TRMT5: variants seen among roughly 807,000 people sequenced by gnomAD.
The protein encoded by TRMT5 is tRNA methyltransferase 5.
In TRMT5, 31 loss-of-function variants were observed where a neutral mutation model predicts 42.2. The observed-to-expected ratio is 0.73, with a 90% confidence interval of 0.55 to 0.99. The LOEUF (loss-of-function observed/expected upper bound fraction) is 0.99, where lower values mean the gene tolerates loss of function less well. Among genes scored for constraint, TRMT5 ranks in the 50% least tolerant of loss-of-function variants. The probability of loss-of-function intolerance (pLI) is 0.00; values close to 1 mark genes in which losing one functional copy is unlikely to be tolerated. For synonymous variants in TRMT5, 198 were observed against 209.6 expected, an observed-to-expected ratio of 0.94 and a Z score of 0.48; for missense variants, 568 against 595.0, an observed-to-expected ratio of 0.95 and a Z score of 0.47.
Position 60,979,430 on chromosome 14 carries a change from G to A in TRMT5, c.468C>T (p.Leu156=), listed in dbSNP as rs775431970. 1 of 1,614,112 alleles carries A rather than the reference G, an allele frequency of 6.2e-7. No homozygotes were observed. The highest frequency in any genetic ancestry group is 8.5e-7 in the Non-Finnish European group (1 of 1,180,006). Residue 156 remains leucine, a synonymous_variant, in exon 2 of 5, where the codon CTC becomes CTT. Coordinates refer to ENST00000261249, the MANE Select transcript of TRMT5 (RefSeq NM_020810.3). The part of the protein sequence containing the change: ...FTHDSFEKAE[L]SVLEQLNVSP... ...TGACATTAAGCTGCTCTAAAACACT[G>A]AGTTCTGCTTTCTCAAAGGAATCAT...
In TRMT5 at chr14:60,975,431, A is replaced by G; in HGVS notation, c.1444+44T>C. The G allele has an allele frequency of 1.9e-6, 3 of 1,579,452 alleles. 1 individual carries two copies. In the South Asian group the frequency reaches 3.5e-5, roughly 19 times the overall value. ...GTAAAACTGGGAGGAATTAGTTACA[A>G]TTGAATGGCAAGGTTTACATTTAAT... On this transcript the variant is annotated intron_variant, in intron 4 of 4. Coordinates refer to ENST00000261249, the MANE Select transcript of TRMT5 (RefSeq NM_020810.3).
Position 60,979,608 on chromosome 14 carries a change from G to A in TRMT5, c.290C>T (p.Pro97Leu), listed in dbSNP as rs752192749. 6.2e-7 allele frequency: 1 copy of A among 1,614,118 alleles called. No homozygotes were observed. The highest frequency in any genetic ancestry group is 1.1e-5 in the South Asian group (1 of 91,072). ...TATTTCTTTCCTCACTTTAAGCACT[G>A]GAATGTTGACTGTCTTTTTAAAAGC... is the stretch of plus-strand genomic sequence containing the variant. ...RTAFKKTVNI[P>L]VLKVRKEIVS... The change falls in exon 2 of 5, where the codon CCA (proline) becomes CTA (leucine). Residue 97 changes from proline (P) to leucine (L), a missense_variant. Physicochemically the swap from Pro to Leu is moderately conservative, Grantham distance 98. Coordinates refer to ENST00000261249, the MANE Select transcript of TRMT5 (RefSeq NM_020810.3).
rs904162544 is a variant in TRMT5, at chr14:60,974,844, C to T, written c.*265G>A. The T allele has an allele frequency of 1.0e-5, 2 of 197,718 alleles. No individual in the cohort carries two copies. The highest frequency in any genetic ancestry group is 2.3e-5 in the African/African-American group (1 of 42,684). 12.2% of individuals were successfully genotyped at this position (197,718 alleles called of 1,614,324 possible). On this transcript the variant is annotated 3_prime_UTR_variant, in exon 5 of 5. Coordinates refer to ENST00000261249, the MANE Select transcript of TRMT5 (RefSeq NM_020810.3). Reference sequence around the variant, plus strand: ...ACCCTACTTTCAAAAATTATTTTCCCTGAGAGAAAATATTTATTCATATTT... The same window carrying T: ...ACCCTACTTTCAAAAATTATTTTCCTTGAGAGAAAATATTTATTCATATTT...
At chr14:60,980,644 G>C (rs138998661) in intron 1 of TRMT5, among the ~76,000 whole-genome samples, 18 of 152,286 alleles carry the variant, frequency 1.2e-4, no homozygotes, top group Admixed American at 3.3e-4. Context: ...TTACTTGTAA[G>C]GGGAAAGGGC....
chr14:60,980,516 CT>C (rs964302164), intron 1 of TRMT5, among the ~76,000 whole-genome samples: 9 of 152,208 alleles, frequency 5.9e-5, no homozygotes, highest in African/African-American at 2.2e-4. Flanking sequence ...GTTTTCGATG[CT>C]TTACTGCCAC....
At chr14:60,981,503 C>G, upstream of TRMT5, 3 of 1,535,312 alleles carry the variant, frequency 2.0e-6, no homozygotes, top group South Asian at 3.6e-5. Flanking sequence ...AGCCTGAACC[C>G]TGGGGGATGG....
At position 60,975,075 on chromosome 14, in the gene TRMT5, A is replaced by C. The variant is rs775065939; in HGVS notation, c.*34T>G. 1 of 1,517,792 alleles carries C rather than the reference A, an allele frequency of 6.6e-7. No homozygotes were observed. Among genetic ancestry groups the C allele is most frequent in the Non-Finnish European group, 9.0e-7 (1 of 1,108,548 alleles). The allele number at this position is 1,517,792 out of a possible 1,614,324, so 94.0% of individuals were successfully genotyped here. ...ATACAAATTCTATTTCACTACATGT[A>C]AGTCTGGTAGGGAGATGGAGAAAAC... On this transcript the variant is annotated 3_prime_UTR_variant, in exon 5 of 5. Transcript: ENST00000261249.
chr14:60,978,426 A>G (rs987767024), intron 2 of TRMT5, among the ~76,000 whole-genome samples: 5 of 152,178 alleles, frequency 3.3e-5, no homozygotes, highest in Non-Finnish European at 4.4e-5. Context: ...CGAATTAATC[A>G]TTGTTCTTAC....
chr14:60,971,944 A>G lies in TRMT5; in HGVS notation c.*3165T>C, dbSNP rs2036780016. ...AAAAACGAATTTGTTTTTCCATACC[A>G]CAAGGCTTTTGTGCCAAGGTGGCCA... is the stretch of plus-strand genomic sequence containing the variant. On this transcript the variant is annotated 3_prime_UTR_variant, in exon 5 of 5. Coordinates refer to ENST00000261249, the MANE Select transcript of TRMT5 (RefSeq NM_020810.3). 1 of 248,596 alleles carries G rather than the reference A, an allele frequency of 4.0e-6. No homozygotes were observed. The highest frequency in any genetic ancestry group is 5.1e-5 in the Admixed American group (1 of 19,598). The allele number at this position is 248,596 out of a possible 1,614,324, so 15.4% of individuals were successfully genotyped here.
At chr14:60,979,003 ATTG>A (rs927528912) in intron 2 of TRMT5, among the ~76,000 whole-genome samples, 3 of 152,184 alleles carry the variant, frequency 2.0e-5, no homozygotes, top group African/African-American at 4.8e-5. Context: ...ACACTGATGT[ATTG>A]TTGTACACAA....
chr14:60,971,925 G>C lies in TRMT5; in HGVS notation c.*3184C>G. The C allele has an allele frequency of 8.8e-6, 2 of 227,108 alleles. No individual in the cohort carries two copies. Among genetic ancestry groups the C allele is most frequent in the Admixed American group, 1.0e-4 (2 of 19,048 alleles). The allele number at this position is 227,108 out of a possible 1,614,324, so 14.1% of individuals were successfully genotyped here. A position where few individuals can be genotyped will look rare whatever the true frequency, so the allele number is the denominator to read the frequency against. ...GAAAGGGAAAAGAAGACATAAAAAC[G>C]AATTTGTTTTTCCATACCACAAGGC... On this transcript the variant is annotated 3_prime_UTR_variant, in exon 5 of 5. Coordinates refer to ENST00000261249, the MANE Select transcript of TRMT5 (RefSeq NM_020810.3).
Position 60,979,578 on chromosome 14 carries a change from C to T in TRMT5, c.320G>A (p.Ser107Asn). The T allele has an allele frequency of 6.2e-7, 1 of 1,614,160 alleles. No homozygotes were observed. Among genetic ancestry groups the T allele is most frequent in the South Asian group, 1.1e-5 (1 of 91,072 alleles). Residue 107 changes from serine (S) to asparagine (N), a missense_variant, in exon 2 of 5, where the codon AGT becomes AAT. Coordinates refer to ENST00000261249, the MANE Select transcript of TRMT5 (RefSeq NM_020810.3). ...CCTTTTTAGGGATCGCATCAATTTA[C>T]TGACTATTTCTTTCCTCACTTTAAG... The part of the protein sequence containing the change: ...PVLKVRKEIV[S>N]KLMRSLKRAA...
chr14:60,981,150 G>T (rs546074528), upstream of TRMT5: 3 of 1,543,264 alleles, frequency 1.9e-6, no homozygotes, highest in African/African-American at 4.1e-5. Context: ...TCTCCTTCCA[G>T]GCCCTGGTGA....
rs1566590394 is a variant in TRMT5 at position 60,977,645 on chromosome 14, G to A, written c.668-7C>T. On this transcript the variant is annotated splice_polypyrimidine_tract_variant and splice_region_variant and intron_variant, in intron 2 of 4. Transcript: ENST00000261249. ...TTGTCAATCATAACCTGGCCTAAAAGAAAAAATGAAAATCCATAATACTGC... is the reference window on the plus strand; with the variant it reads ...TTGTCAATCATAACCTGGCCTAAAAAAAAAAATGAAAATCCATAATACTGC... 4 of 1,582,552 alleles carry A rather than the reference G, an allele frequency of 2.5e-6. No individual in the cohort carries two copies. Among genetic ancestry groups the A allele is most frequent in the Admixed American group, 1.9e-5 (1 of 53,468 alleles).
rs749174605 is a variant in TRMT5, at chr14:60,979,218, A to C, written c.667+13T>G. ...TCCCTTCAAATACATGAATATTACT[A>C]TGACACACGTACCAATTAAATGTTT... On this transcript the variant is annotated intron_variant, in intron 2 of 4. Coordinates refer to ENST00000261249, the MANE Select transcript of TRMT5 (RefSeq NM_020810.3). 5 of 1,564,654 alleles carry C rather than the reference A, an allele frequency of 3.2e-6. No individual in the cohort carries two copies. Among genetic ancestry groups the C allele is most frequent in the African/African-American group, 2.7e-5 (2 of 72,790 alleles).
intron 2 of TRMT5, among the ~76,000 whole-genome samples, chr14:60,978,472 G>A: frequency 6.6e-6 from 1 of 151,918 alleles, no homozygotes; most frequent in Non-Finnish European, 1.5e-5. Context: ...CAACTTTTAA[G>A]GTACAGAATT....
Position 60,979,889 on chromosome 14 carries a change from T to TAA in TRMT5, c.12-5_12-4dup, listed in dbSNP as rs369134720. 3,337 of 1,340,918 alleles carry TAA rather than the reference T, an allele frequency of 2.5e-3. No individual in the cohort carries two copies. The highest frequency in any genetic ancestry group is 7.9e-3 in the South Asian group (497 of 62,812). 83.1% of individuals were successfully genotyped at this position (1,340,918 alleles called of 1,614,324 possible). On this transcript the variant is annotated splice_region_variant and splice_polypyrimidine_tract_variant and intron_variant, in intron 1 of 4. Transcript: ENST00000261249. The stretch of plus-strand genomic sequence containing the variant: ...ATCCAAATGGCCTCCATAAGATCCT[T>TAA]AAAAAAAAAAAAAAAAAATTCACAC...
intron 1 of TRMT5, 137 bp downstream of exon 1, chr14:60,980,826 C>T (rs1466187041): frequency 7.5e-7 from 1 of 1,337,244 alleles, no homozygotes; most frequent in South Asian, 1.2e-5. Flanking sequence ...TCCAGAACCT[C>T]GAAACTAAGC....
rs1374291910 is a variant in TRMT5, at chr14:60,974,270, A to G, written c.*839T>C. ...ACAGCAGTGTGAAGTGATGACAGTC[A>G]CATTCAGTGTGTGTTGCAACCACTC... On this transcript the variant is annotated 3_prime_UTR_variant, in exon 5 of 5. Transcript: ENST00000261249. The G allele has an allele frequency of 6.6e-6, 1 of 152,254 alleles. No individual in the cohort carries two copies. The highest frequency in any genetic ancestry group is 2.4e-5 in the African/African-American group (1 of 41,464). The allele number at this position is 152,254 out of a possible 1,614,324, so 9.4% of individuals were successfully genotyped here. A position where few individuals can be genotyped will look rare whatever the true frequency, so the allele number is the denominator to read the frequency against.
Sources: allele counts gnomAD v4.1 joint callset (sites outside exome capture counted in the v4.1 genomes callset), GRCh38; gene constraint gnomAD v4.1.1; transcripts MANE v1.5; gene names NCBI Gene and HGNC (gene_info 2026-07-23, HGNC 2026-07-21).